Variants in FBXO34 observed in about 807,000 individuals in gnomAD.
FBXO34 encodes F-box only protein 34.
A neutral mutation model predicts 24.5 loss-of-function variants in FBXO34; 12 were observed. The ratio of observed to expected loss-of-function variants is 0.49; its 90% confidence interval spans 0.31 to 0.79. The LOEUF is 0.79. Ranked by LOEUF, FBXO34 falls within the 30% of genes least tolerant of loss-of-function variation. FBXO34 has a pLI of 0.04. For missense variants in FBXO34, 823 were observed against 857.7 expected (o/e 0.96, Z 0.51); for synonymous variants, 320 against 311.9 (o/e 1.03, Z -0.27).
chr14:55,417,967 C>T, the FBXO34 span, among the ~76,000 whole-genome samples: 1 of 152,070 alleles, frequency 6.6e-6, no homozygotes, highest in African/African-American at 2.4e-5. Flanking sequence ...AGTTTTCTTA[C>T]TTGTAAAATA....
intron 1 of FBXO34, chr14:55,298,662 G>C: frequency 6.5e-7 from 1 of 1,531,122 alleles, no homozygotes. Flanking sequence ...GGCTGGAGGG[G>C]GTAAGGCCGG....
intron 1 of FBXO34, among the ~76,000 whole-genome samples, chr14:55,313,368 T>C (rs1404826332): frequency 6.6e-6 from 1 of 152,216 alleles, no homozygotes; most frequent in East Asian, 1.9e-4. Context: ...AGCAAGTTTC[T>C]AGGAAGTTCC....
the FBXO34 span, among the ~76,000 whole-genome samples, chr14:55,441,480 A>G: frequency 6.6e-6 from 1 of 152,132 alleles, no homozygotes; most frequent in African/African-American, 2.4e-5. Flanking sequence ...TCTCTTGAGC[A>G]GAGTGAGTGG....
At chr14:55,429,065 G>A in the FBXO34 span, 6 of 1,473,380 alleles carry the variant, frequency 4.1e-6, no homozygotes, top group Admixed American at 3.7e-5. Context: ...TTTGTACCAC[G>A]TTTATCTTTC....
intron 1 of FBXO34, among the ~76,000 whole-genome samples, chr14:55,290,702 C>G (rs1051608870): frequency 1.3e-5 from 2 of 152,164 alleles, no homozygotes; most frequent in East Asian, 3.8e-4. Flanking sequence ...AATTATGTTT[C>G]ATTAGTTAGA....
the FBXO34 span, chr14:55,382,187 G>A: frequency 6.2e-7 from 1 of 1,614,000 alleles, no homozygotes; most frequent in Non-Finnish European, 8.5e-7. Flanking sequence ...ACATCTGCGG[G>A]GTCTCTACAA....
the FBXO34 span, among the ~76,000 whole-genome samples, chr14:55,435,371 G>C: frequency 6.6e-6 from 1 of 150,782 alleles, no homozygotes; most frequent in Admixed American, 6.6e-5. Flanking sequence ...TGCCTCCTGG[G>C]TTCAAGTGAT....
At chr14:55,359,541 T>C (rs1884565807) in intron 3 of FBXO34, among the ~76,000 whole-genome samples, 2 of 152,234 alleles carry the variant, frequency 1.3e-5, no homozygotes, top group Non-Finnish European at 2.9e-5. Flanking sequence ...TGAGTCATAA[T>C]CTTTGCTGGT....
intron 1 of FBXO34, among the ~76,000 whole-genome samples, chr14:55,279,836 A>G (rs533500576): frequency 1.3e-5 from 2 of 152,348 alleles, no homozygotes; most frequent in East Asian, 3.9e-4. Flanking sequence ...GAAGCAGTGG[A>G]TGGCAGGATC....
intron 1 of FBXO34, among the ~76,000 whole-genome samples, chr14:55,278,147 A>C (rs985718848): frequency 2.0e-5 from 3 of 152,138 alleles, no homozygotes; most frequent in Admixed American, 2.0e-4. Flanking sequence ...CTGCTTGCCC[A>C]TACTTAGGTC....
At chr14:55,348,202 T>C (rs1884221011) in intron 1 of FBXO34, among the ~76,000 whole-genome samples, 1 of 152,114 alleles carries the variant, frequency 6.6e-6, no homozygotes, top group Non-Finnish European at 1.5e-5. Flanking sequence ...TTTGGTTGGT[T>C]GGTTGGGTTT....
chr14:55,432,965 A>G, the FBXO34 span, among the ~76,000 whole-genome samples: 1 of 152,192 alleles, frequency 6.6e-6, no homozygotes, highest in East Asian at 1.9e-4. Flanking sequence ...CTATCCATTT[A>G]TCTGCAATGA....
downstream of FBXO34, among the ~76,000 whole-genome samples, chr14:55,374,708 A>G (rs1255542675): frequency 2.6e-5 from 4 of 152,144 alleles, no homozygotes; most frequent in East Asian, 7.7e-4. Flanking sequence ...TGTATATAGA[A>G]TGTGGTATGA....
intron 1 of FBXO34, among the ~76,000 whole-genome samples, chr14:55,309,889 G>C (rs1882678037): frequency 6.6e-6 from 1 of 152,166 alleles, no homozygotes; most frequent in South Asian, 2.1e-4. Context: ...TTTAGATTGG[G>C]TAGGGTGGGA....
chr14:55,351,156 G>C lies in FBXO34; in HGVS notation c.766G>C (p.Gly256Arg). 6.2e-7 allele frequency: 1 copy of C among 1,614,188 alleles called. No homozygotes were observed. Among genetic ancestry groups the C allele is most frequent in the African/African-American group, 1.3e-5 (1 of 75,040 alleles). ...PAVSESYSAP[G>R]ACEEPTERGN... ...AGTGTCTGAGTCCTATTCTGCCCCA[G>C]GAGCTTGTGAAGAACCCACAGAAAG... is the stretch of plus-strand genomic sequence containing the variant. Residue 256 changes from glycine (G) to arginine (R), a missense_variant, in exon 2 of 2, where the codon GGA becomes CGA. By Grantham distance (125) the Gly-to-Arg change is moderately radical. This residue lies in a region of FBXO34 where 693 missense variants were observed against 659.1 expected (regional missense o/e 1.05). Coordinates refer to ENST00000313833, the MANE Select transcript of FBXO34 (RefSeq NM_017943.4).
chr14:55,354,205 C>T (rs1011000423), downstream of FBXO34, among the ~76,000 whole-genome samples: 18 of 152,152 alleles, frequency 1.2e-4, no homozygotes, highest in African/African-American at 4.3e-4. Context: ...AGTGTTTTTC[C>T]TTATGACTCA....
the FBXO34 span, among the ~76,000 whole-genome samples, chr14:55,393,192 T>C: frequency 1.5e-4 from 23 of 151,620 alleles, no homozygotes; most frequent in East Asian, 1.8e-3. Context: ...CCATCCTGGC[T>C]AACACGGTGA....
At chr14:55,287,691 A>C (rs1881808093) in intron 1 of FBXO34, among the ~76,000 whole-genome samples, 1 of 152,224 alleles carries the variant, frequency 6.6e-6, no homozygotes, top group Non-Finnish European at 1.5e-5. Flanking sequence ...AGGGACCAGG[A>C]AATGGGGCCT....
intron 1 of FBXO34, among the ~76,000 whole-genome samples, chr14:55,276,528 G>A (rs1881348788): frequency 6.6e-6 from 1 of 152,068 alleles, no homozygotes; most frequent in Non-Finnish European, 1.5e-5. Flanking sequence ...CACACTTTGA[G>A]ACGAATTAAG....
Sources: allele counts gnomAD v4.1 joint callset (sites outside exome capture counted in the v4.1 genomes callset), GRCh38; gene constraint gnomAD v4.1.1; regional missense constraint gnomAD v4.1.1; transcripts MANE v1.5; gene names NCBI Gene and HGNC (gene_info 2026-07-23, HGNC 2026-07-21).